The following NTMT1 variants were observed in gnomAD, a reference collection of about 807,000 sequenced individuals.
The protein encoded by NTMT1 is N-terminal Xaa-Pro-Lys N-methyltransferase 1.
Under a neutral mutation model 17.5 loss-of-function variants are expected in NTMT1, and 8 were observed. The ratio of observed to expected loss-of-function variants is 0.46; its 90% CI spans 0.27 to 0.82. The LOEUF (loss-of-function observed/expected upper bound fraction) is 0.82. Ranked by LOEUF, NTMT1 falls within the 40% of genes least tolerant of loss-of-function variation. NTMT1 has a pLI of 0.15. For missense variants in NTMT1, 221 were observed against 303.5 expected, an observed-to-expected ratio of 0.73 and a Z score of 2.02; for synonymous variants, 128 against 126.8, an observed-to-expected ratio of 1.01 and a Z score of -0.06.
At chr9:129,627,277 C>T (rs1362777533) in intron 1 of NTMT1, among the ~76,000 whole-genome samples, 1 of 152,146 alleles carries the variant, frequency 6.6e-6, no homozygotes, top group Non-Finnish European at 1.5e-5. Flanking sequence ...GAAGCTCACT[C>T]CCCACTCTGG....
At chr9:129,634,605 G>A (rs1322687855) in intron 3 of NTMT1, 1 of 345,998 alleles carries the variant, frequency 2.9e-6, no homozygotes, top group African/African-American at 2.2e-5. Context: ...TCAAAGTGAG[G>A]AGTTTTATAA....
rs1588147016 is a variant in NTMT1 at position 129,635,551 on chromosome 9, T to C, written c.*87T>C. 4.1e-6 allele frequency: 6 copies of C among 1,465,078 alleles called. No homozygotes were observed. In the East Asian group the frequency reaches 9.1e-5, roughly 22 times the overall value. 90.8% of individuals were successfully genotyped at this position (1,465,078 alleles called of 1,614,324 possible). On this transcript the variant is annotated 3_prime_UTR_variant, in exon 4 of 4. Transcript: ENST00000372483. ...CAAGATCCAGGCGCCACGCTGGCGG[T>C]TCGTGAGTGTCGAGGCACCACTAAA...
rs1462943637 is a variant in NTMT1, at chr9:129,614,838, C to A, written c.-55+5660C>A. 6.6e-6 allele frequency among the ~76,000 whole-genome samples: 1 copy of A among 151,952 alleles called. No homozygotes were observed. Among genetic ancestry groups the A allele is most frequent in the Non-Finnish European group, 1.5e-5 (1 of 68,004 alleles). On this transcript the variant is annotated intron_variant, in intron 1 of 3. Transcript: ENST00000372486. This position sits in a 1 kb window ranked among gnomAD's most constrained non-coding sequence, Gnocchi z 4.4. ...AATGGCATGAACCCGGGAGGTGGAG[C>A]TTGCAGCGAGCCGAGATCGCGCCAC...
chr9:129,631,498 A>C (rs7856232), intron 1 of NTMT1, among the ~76,000 whole-genome samples: 29,266 of 152,088 alleles, frequency 0.19, 3,163 homozygotes, highest in African/African-American at 0.3. Context: ...GAGGCTTTCT[A>C]GTTCTCTCTC....
rs1831513600 is a variant in NTMT1, at chr9:129,635,716, G to A, written c.*252G>A. On this transcript the variant is annotated 3_prime_UTR_variant, in exon 4 of 4. Transcript: ENST00000372483. The stretch of plus-strand genomic sequence containing the variant: ...CCTGCGAGATGGGATTGGGTGGAAG[G>A]GGCTCCAGGGCTCCTGGTGCTCCCC... 4.4e-6 allele frequency: 2 copies of A among 456,030 alleles called. No individual in the cohort carries two copies. Among genetic ancestry groups the A allele is most frequent in the Non-Finnish European group, 7.9e-6 (2 of 254,680 alleles). The allele number at this position is 456,030 out of a possible 1,614,324, so 28.2% of individuals were successfully genotyped here.
In NTMT1 at chr9:129,632,784, G is replaced by A; in HGVS notation, c.81G>A (p.Val27=). Residue 27 remains valine (V), a synonymous_variant, in exon 2 of 4, where the codon GTG becomes GTA. Coordinates refer to ENST00000372483, the MANE Select transcript of NTMT1 (RefSeq NM_014064.4). ...KTYWKQIPPT[V]DGMLGGYGHI... is the part of the protein sequence containing the mutation. ...ACTGGAAACAAATCCCACCCACGGT[G>A]GACGGCATGCTTGGGGGGTATGGCC... 2 of 1,614,206 alleles carry A rather than the reference G, an allele frequency of 1.2e-6. No individual in the cohort carries two copies. The highest frequency in any genetic ancestry group is 1.7e-6 in the Non-Finnish European group (2 of 1,180,036).
chr9:129,634,600 G>A (rs890178555), intron 3 of NTMT1: 1 of 359,968 alleles, frequency 2.8e-6, no homozygotes, highest in African/African-American at 2.1e-5. Flanking sequence ...TGCATTCAAA[G>A]TGAGGAGTTT....
chr9:129,621,317 T>C (rs953323074), upstream of NTMT1, among the ~76,000 whole-genome samples: 4 of 152,190 alleles, frequency 2.6e-5, no homozygotes, highest in Non-Finnish European at 5.9e-5. Flanking sequence ...AGTACGTCTC[T>C]GCTGGAGCCA....
rs558165359 is a variant in NTMT1 at position 129,620,668 on chromosome 9, A to G, written c.-55+11490A>G. The G allele has an allele frequency of 5.9e-5, 69 of 1,162,352 alleles. No homozygotes were observed. The African/African-American group carries it at 9.4e-4, about 16-fold the overall frequency. 72.0% of individuals were successfully genotyped at this position (1,162,352 alleles called of 1,614,324 possible). ...AGGGCATAGTCCAGCCCCAGGCCAT[A>G]GTGCCCCGGGCGGGGCAGCGCGGTG... is the stretch of plus-strand genomic sequence containing the variant. On this transcript the variant is annotated intron_variant, in intron 1 of 3. Transcript: ENST00000372486. The surrounding 1 kb of genome is among the most constrained non-coding windows in gnomAD (Gnocchi z 5.8).
intron 2 of NTMT1, chr9:129,633,764 T>TC (rs1226380038): frequency 6.8e-6 from 2 of 294,292 alleles, no homozygotes; most frequent in East Asian, 1.2e-4. Flanking sequence ...GCCCAGGAGT[T>TC]CGAGGCTACA....
In NTMT1 at chr9:129,614,123, C is replaced by T. The variant is rs1310298538; in HGVS notation, c.-55+4945C>T. ...TGGCCAGTGGCTGACACGGAATCAT[C>T]TCCTGTATGCACCAACTGCCATTCA... is the stretch of plus-strand genomic sequence containing the variant. On this transcript the variant is annotated intron_variant, in intron 1 of 3. Transcript: ENST00000372486. This position sits in a 1 kb window ranked among gnomAD's most constrained non-coding sequence, Gnocchi z 4.4. Among the ~76,000 whole-genome samples the T allele has an allele frequency of 6.6e-6, 1 of 152,224 alleles. No individual in the cohort carries two copies. The highest frequency in any genetic ancestry group is 1.5e-5 in the Non-Finnish European group (1 of 68,044).
At chr9:129,628,727 C>G (rs1448601272) in intron 1 of NTMT1, 1 of 152,212 alleles carries the variant, frequency 6.6e-6, no homozygotes, top group African/African-American at 2.4e-5. Flanking sequence ...TATGTGTTTG[C>G]CCCCAGATTT....
rs1830282911 is a variant in NTMT1 at position 129,614,977 on chromosome 9, T to A, written c.-55+5799T>A. 6.6e-6 allele frequency among the ~76,000 whole-genome samples: 1 copy of A among 152,216 alleles called. No homozygotes were observed. The highest frequency in any genetic ancestry group is 2.4e-5 in the African/African-American group (1 of 41,462). On this transcript the variant is annotated intron_variant, in intron 1 of 3. Transcript: ENST00000372486. This position sits in a 1 kb window ranked among gnomAD's most constrained non-coding sequence, Gnocchi z 4.4. The stretch of plus-strand genomic sequence containing the variant: ...CATTACATCCAGGGTCTGGTGGCTC[T>A]TAGCTTCCTTGCTGGACCTGGCAGT...
chr9:129,634,935 T>G, intron 3 of NTMT1: 3 of 441,620 alleles, frequency 6.8e-6, no homozygotes, highest in Non-Finnish European at 1.2e-5. Context: ...TGGGGCATCA[T>G]GGTGTGTAGG....
chr9:129,620,367 C>T lies in NTMT1; in HGVS notation c.-55+11189C>T. On this transcript the variant is annotated intron_variant, in intron 1 of 3. Transcript: ENST00000372486. The surrounding 1 kb of genome is among the most constrained non-coding windows in gnomAD (Gnocchi z 5.8). Reference sequence around the variant, plus strand: ...GGCGGGAGGCGTCCGACGCCCACCCCGGGCTTGGCGTCCCCTTCCGGCCAC... The same window carrying T: ...GGCGGGAGGCGTCCGACGCCCACCCTGGGCTTGGCGTCCCCTTCCGGCCAC... 5 of 1,228,010 alleles carry T rather than the reference C, an allele frequency of 4.1e-6. No individual in the cohort carries two copies. The highest frequency in any genetic ancestry group is 4.1e-6 in the Non-Finnish European group (4 of 985,942). 76.1% of individuals were successfully genotyped at this position (1,228,010 alleles called of 1,614,324 possible).
intron 1 of NTMT1, among the ~76,000 whole-genome samples, chr9:129,632,236 G>A (rs560825279): frequency 6.6e-6 from 1 of 152,290 alleles, no homozygotes; most frequent in East Asian, 1.9e-4. Flanking sequence ...ATCTCTTGAG[G>A]TCAGGACTTC....
intron 1 of NTMT1, chr9:129,615,544 G>T (rs199839916): frequency 6.2e-7 from 1 of 1,610,346 alleles, no homozygotes. Context: ...TCAGCGAATC[G>T]CACCCGGAAA....
Position 129,613,592 on chromosome 9 carries a change from G to T in NTMT1, c.-55+4414G>T. On this transcript the variant is annotated intron_variant, in intron 1 of 3. Coordinates refer to the NTMT1 transcript ENST00000372486. The surrounding 1 kb of genome is among the most constrained non-coding windows in gnomAD (Gnocchi z 6.2). ...GCCTTCTGGTTCACAATGACGCTCT[G>T]TTGGACTGCAGGAAAGAGGGCAGGG... 6.2e-7 allele frequency: 1 copy of T among 1,614,142 alleles called. No homozygotes were observed. The highest frequency in any genetic ancestry group is 8.5e-7 in the Non-Finnish European group (1 of 1,180,018).
chr9:129,615,507 C>T (rs140534012), intron 1 of NTMT1: 566 of 1,605,202 alleles, frequency 3.5e-4, no homozygotes, highest in Middle Eastern at 5.0e-4. Context: ...CTCCCAGTAG[C>T]GGAGCGTTGT....
Sources: allele counts gnomAD v4.1 joint callset (sites outside exome capture counted in the v4.1 genomes callset), GRCh38; gene constraint gnomAD v4.1.1; non-coding constraint Gnocchi (gnomAD v3.1); transcripts MANE v1.5; gene names NCBI Gene and HGNC (gene_info 2026-07-23, HGNC 2026-07-21).